The following SLC9A9 variants were observed in gnomAD, a reference collection of about 807,000 sequenced individuals.
The protein encoded by SLC9A9 is solute carrier family 9 member A9, also known as sodium/hydrogen exchanger 9.
A neutral mutation model predicts 77.8 loss-of-function variants in SLC9A9; 62 were observed. The observed-to-expected ratio is 0.80, with a 90% CI of 0.65 to 0.98. The LOEUF (loss-of-function observed/expected upper bound fraction) is 0.98, where lower values mean the gene tolerates loss of function less well. SLC9A9 is among the 50% of genes least tolerant of loss of function. The probability of loss-of-function intolerance (pLI) is 0.00; values close to 1 mark genes in which losing one functional copy is unlikely to be tolerated. For missense variants in SLC9A9, 775 were observed against 774.9 expected, an observed-to-expected ratio of 1.00 and a Z score of 0.00; for synonymous variants, 320 against 283.5, an observed-to-expected ratio of 1.13 and a Z score of -1.29.
At chr3:143,453,108 G>C (rs900439410) in intron 12 of SLC9A9, among the ~76,000 whole-genome samples, 2 of 151,938 alleles carry the variant, frequency 1.3e-5, no homozygotes, top group African/African-American at 2.4e-5. Context: ...TTTACTATTA[G>C]GTTGAACCAT....
chr3:143,464,739 A>G (rs1468220360), intron 12 of SLC9A9, among the ~76,000 whole-genome samples: 1 of 152,190 alleles, frequency 6.6e-6, no homozygotes, highest in African/African-American at 2.4e-5. Context: ...ACCAAGACCT[A>G]CTGGATGAGA....
chr3:143,608,035 G>A (rs2037957345), intron 6 of SLC9A9, among the ~76,000 whole-genome samples: 1 of 152,048 alleles, frequency 6.6e-6, no homozygotes. Flanking sequence ...CGCAAATAAA[G>A]TGTAATATAT....
intron 7 of SLC9A9, among the ~76,000 whole-genome samples, chr3:143,574,620 C>T (rs1333926617): frequency 2.0e-5 from 3 of 152,108 alleles, no homozygotes; most frequent in African/African-American, 4.8e-5. Context: ...TGTGGGCAGA[C>T]GACCTGGTAG....
At chr3:143,414,832 G>A (rs896782991) in intron 12 of SLC9A9, among the ~76,000 whole-genome samples, 1 of 152,214 alleles carries the variant, frequency 6.6e-6, no homozygotes, top group East Asian at 1.9e-4. Context: ...AGCTAGAAAT[G>A]ATTAAGCTTA....
At chr3:143,567,448 C>T (rs1408515817) in intron 8 of SLC9A9, among the ~76,000 whole-genome samples, 1 of 152,234 alleles carries the variant, frequency 6.6e-6, no homozygotes, top group Middle Eastern at 3.4e-3. Flanking sequence ...ATAAAGACTT[C>T]TCACTTGCAT....
At chr3:143,571,364 T>C (rs952830921) in intron 8 of SLC9A9, among the ~76,000 whole-genome samples, 2 of 152,190 alleles carry the variant, frequency 1.3e-5, no homozygotes, top group Admixed American at 6.6e-5. Context: ...TCATATTAGT[T>C]TACCTGTGCA....
At chr3:143,370,566 C>CACACACACA in intron 13 of SLC9A9, among the ~76,000 whole-genome samples, 1 of 81,990 alleles carries the variant, frequency 1.2e-5, no homozygotes, top group South Asian at 3.0e-4. Context: ...TGCATGTGCG[C>CACACACACA]GCACACACAC....
At chr3:143,842,400 C>A (rs561344411) in intron 1 of SLC9A9, among the ~76,000 whole-genome samples, 1 of 152,038 alleles carries the variant, frequency 6.6e-6, no homozygotes, top group Non-Finnish European at 1.5e-5. Context: ...AACAAACAAA[C>A]AAAAACCCCC....
At chr3:143,832,362 T>TCTA in intron 1 of SLC9A9, 141 bp from the exon 2 acceptor site, 1 of 698,594 alleles carries the variant, frequency 1.4e-6, no homozygotes, top group Non-Finnish European at 2.4e-6. Context: ...TGTTCACTTT[T>TCTA]GCATGGATAC....
At chr3:143,272,424 A>C (rs773767710) in intron 14 of SLC9A9, among the ~76,000 whole-genome samples, 1 of 152,218 alleles carries the variant, frequency 6.6e-6, no homozygotes, top group Non-Finnish European at 1.5e-5. Context: ...AGGCTCAGAG[A>C]AGGTAAATAA....
At chr3:143,719,087 A>G (rs1035073047) in intron 4 of SLC9A9, among the ~76,000 whole-genome samples, 1 of 152,334 alleles carries the variant, frequency 6.6e-6, no homozygotes, top group African/African-American at 2.4e-5. Flanking sequence ...ATAAATTTGT[A>G]TTTGGTTCTT....
chr3:143,509,422 G>A (rs2036078191), intron 9 of SLC9A9, among the ~76,000 whole-genome samples: 1 of 152,132 alleles, frequency 6.6e-6, no homozygotes, highest in Admixed American at 6.5e-5. Flanking sequence ...CAACGATTAA[G>A]TTTTTTGAGC....
intron 7 of SLC9A9, among the ~76,000 whole-genome samples, chr3:143,576,895 C>A (rs1159846614): frequency 6.6e-6 from 1 of 152,260 alleles, no homozygotes; most frequent in East Asian, 1.9e-4. Flanking sequence ...AATGGAGATG[C>A]CATTTTACAA....
intron 11 of SLC9A9, among the ~76,000 whole-genome samples, chr3:143,489,834 G>T (rs1449263704): frequency 6.6e-6 from 1 of 151,920 alleles, no homozygotes. Context: ...TATGACAAAA[G>T]ATCCCATTTA....
rs1938175805 is a variant in SLC9A9, at chr3:143,280,242, G to A, written c.1605-11262C>T. ...GCAAATTCGTTAGAATGCATGCCCTGCAGCTCTTTTAGGGAACAAAATGAA... is the reference window on the plus strand; with the variant it reads ...GCAAATTCGTTAGAATGCATGCCCTACAGCTCTTTTAGGGAACAAAATGAA... On this transcript the variant is annotated intron_variant, in intron 14 of 15. Coordinates refer to ENST00000316549, the MANE Select transcript of SLC9A9 (RefSeq NM_173653.4). 2.7e-5 allele frequency among the ~76,000 whole-genome samples: 4 copies of A among 148,818 alleles called. No individual in the cohort carries two copies. The South Asian group carries it at 6.2e-4, about 23-fold the overall frequency.
chr3:143,380,501 C>T (rs774640893), intron 13 of SLC9A9, among the ~76,000 whole-genome samples: 1 of 152,112 alleles, frequency 6.6e-6, no homozygotes, highest in Non-Finnish European at 1.5e-5. Flanking sequence ...ATTTGACCTA[C>T]ACAAGATGAA....
At chr3:143,363,658 T>TA (rs925788168) in intron 13 of SLC9A9, 95 bp from the exon 14 acceptor site, 62 of 1,151,118 alleles carry the variant, frequency 5.4e-5, no homozygotes, top group African/African-American at 1.3e-4. Context: ...TAACTACATT[T>TA]AAAAAAAACC....
rs752257107 is a variant in SLC9A9, at chr3:143,363,598, A to G, written c.1525-35T>C. The G allele has an allele frequency of 2.6e-6, 4 of 1,563,366 alleles. No individual in the cohort carries two copies. The East Asian group carries it at 9.0e-5, about 35-fold the overall frequency. On this transcript the variant is annotated intron_variant, in intron 13 of 15. Transcript: ENST00000316549. ...AACAATAGAAAAAGGCATTGGGTAA[A>G]TAGTCAAAAAGATTTTAATATAAAA...
chr3:143,804,392 G>A (rs1386732762), intron 2 of SLC9A9, among the ~76,000 whole-genome samples: 2 of 151,984 alleles, frequency 1.3e-5, no homozygotes, highest in Non-Finnish European at 2.9e-5. Flanking sequence ...GACACTCAAC[G>A]TTTTCTCCTA....
Sources: allele counts gnomAD v4.1 joint callset (sites outside exome capture counted in the v4.1 genomes callset), GRCh38; gene constraint gnomAD v4.1.1; transcripts MANE v1.5; gene names NCBI Gene and HGNC (gene_info 2026-07-23, HGNC 2026-07-21).